Variants in ATRN observed in about 807,000 individuals in gnomAD.
The protein encoded by ATRN is attractin.
Under a neutral mutation model 178.7 loss-of-function variants are expected in ATRN, and 54 were observed. The observed-to-expected ratio is 0.30, with a 90% confidence interval of 0.24 to 0.38. ATRN has a LOEUF of 0.38. ATRN is among the 10% of genes least tolerant of loss of function. The probability of loss-of-function intolerance (pLI) is 1.00; values close to 1 mark genes in which losing one functional copy is unlikely to be tolerated. For missense variants in ATRN, 1,443 were observed against 1,815.1 expected (o/e 0.79, Z 3.73); for synonymous variants, 636 against 663.0 (o/e 0.96, Z 0.63).
chr20:3,625,906 T>A (rs1332243685), intron 25 of ATRN, among the ~76,000 whole-genome samples: 1 of 152,210 alleles, frequency 6.6e-6, no homozygotes, highest in Non-Finnish European at 1.5e-5. Context: ...CTCTCCTGAC[T>A]GAAAATATAT....
chr20:3,480,733 G>C (rs1394524188), intron 1 of ATRN, among the ~76,000 whole-genome samples: 1 of 152,126 alleles, frequency 6.6e-6, no homozygotes, highest in Admixed American at 6.5e-5. Flanking sequence ...GCAGTATAGA[G>C]GACAGGTATG....
chr20:3,499,584 A>G (rs1378217475), intron 1 of ATRN, among the ~76,000 whole-genome samples: 2 of 151,124 alleles, frequency 1.3e-5, no homozygotes, highest in African/African-American at 4.9e-5. Context: ...GCATTGGGGA[A>G]AGGATTCCCT....
At chr20:3,576,804 A>G in intron 13 of ATRN, 55 bp from the exon 14 acceptor site, 1 of 1,594,112 alleles carries the variant, frequency 6.3e-7, no homozygotes, top group African/African-American at 1.3e-5. Context: ...GTTGGTCCTC[A>G]CCATAAGTTC....
Position 3,638,765 on chromosome 20 carries a change from C to T in ATRN, c.3943-63C>T. ...AGGATGAGGTGTTTTTAACATGTAG[C>T]ATTAACTAATAAAACCCCTTCAGTA... On this transcript the variant is annotated intron_variant, in intron 26 of 28. Coordinates refer to ENST00000262919, the MANE Select transcript of ATRN (RefSeq NM_139321.3). The surrounding 1 kb of genome is among the most constrained non-coding windows in gnomAD (Gnocchi z 4.5). 1 of 1,392,728 alleles carries T rather than the reference C, an allele frequency of 7.2e-7. No individual in the cohort carries two copies. The highest frequency in any genetic ancestry group is 1.4e-5 in the African/African-American group (1 of 70,218). The allele number at this position is 1,392,728 out of a possible 1,614,324, so 86.3% of individuals were successfully genotyped here.
intron 2 of ATRN, among the ~76,000 whole-genome samples, chr20:3,537,945 C>CT (rs1009073154): frequency 1.4e-5 from 2 of 142,442 alleles, no homozygotes; most frequent in African/African-American, 5.2e-5. Flanking sequence ...TTTTTCATTT[C>CT]TTTTTTTTAT....
chr20:3,534,131 G>A (rs2146177332), intron 1 of ATRN, among the ~76,000 whole-genome samples: 1 of 152,342 alleles, frequency 6.6e-6, no homozygotes, highest in East Asian at 1.9e-4. Flanking sequence ...ACATCAGGGA[G>A]TTTGCAGGAT....
At chr20:3,611,471 G>C (rs185077336) in intron 24 of ATRN, among the ~76,000 whole-genome samples, 15 of 152,328 alleles carry the variant, frequency 9.8e-5, no homozygotes, top group Admixed American at 6.5e-4. Context: ...GCCAGGTGTG[G>C]TTCACACCTG....
chr20:3,530,479 C>T (rs1181219293), intron 1 of ATRN, among the ~76,000 whole-genome samples: 2 of 147,838 alleles, frequency 1.4e-5, no homozygotes, highest in East Asian at 3.9e-4. Context: ...TGGGTTTTTG[C>T]CACGTTGGCT....
intron 1 of ATRN, among the ~76,000 whole-genome samples, chr20:3,531,089 T>C (rs1442903171): frequency 6.6e-6 from 1 of 152,230 alleles, no homozygotes; most frequent in Non-Finnish European, 1.5e-5. Context: ...ACCTAGATTA[T>C]CAATGATACT....
chr20:3,595,373 G>C (rs2146278268), intron 20 of ATRN, among the ~76,000 whole-genome samples: 1 of 152,302 alleles, frequency 6.6e-6, no homozygotes. Flanking sequence ...ATTAATCATT[G>C]TAAACATCAT....
intron 18 of ATRN, among the ~76,000 whole-genome samples, chr20:3,586,116 C>T (rs1005197296): frequency 6.6e-6 from 1 of 152,172 alleles, no homozygotes; most frequent in African/African-American, 2.4e-5. Flanking sequence ...ATGCTTATAG[C>T]ATCATTCTTC....
At chr20:3,603,496 T>C (rs2086639514) in intron 23 of ATRN, among the ~76,000 whole-genome samples, 3 of 151,428 alleles carry the variant, frequency 2.0e-5, no homozygotes, top group African/African-American at 7.3e-5. Flanking sequence ...TTTCTTTCTT[T>C]TTTTTTTTTT....
chr20:3,483,834 C>T (rs187886367), intron 1 of ATRN, among the ~76,000 whole-genome samples: 2 of 152,168 alleles, frequency 1.3e-5, no homozygotes, highest in African/African-American at 2.4e-5. Flanking sequence ...TGAAGAGATA[C>T]AATTTCTGTA....
At chr20:3,629,132 C>T (rs2086969905) in intron 25 of ATRN, 1 of 985,248 alleles carries the variant, frequency 1.0e-6, no homozygotes, top group South Asian at 4.7e-5. Flanking sequence ...TCTCCACCTC[C>T]ACTCCCCACC....
intron 19 of ATRN, among the ~76,000 whole-genome samples, chr20:3,591,704 G>A (rs1177322062): frequency 6.6e-6 from 1 of 152,166 alleles, no homozygotes; most frequent in African/African-American, 2.4e-5. Context: ...GCAGTATATG[G>A]ACACTAAGGT....
chr20:3,576,037 A>G (rs903560095), intron 13 of ATRN, 89 bp downstream of exon 13: 2 of 1,369,918 alleles, frequency 1.5e-6, no homozygotes, highest in African/African-American at 1.5e-5. Flanking sequence ...ATAATGGCCC[A>G]GAGTTACTTT....
intron 20 of ATRN, among the ~76,000 whole-genome samples, chr20:3,594,910 A>G (rs1303484140): frequency 6.6e-6 from 1 of 152,184 alleles, no homozygotes; most frequent in Non-Finnish European, 1.5e-5. Context: ...TCTTTCCCAA[A>G]GAGTAGAGAT....
In ATRN at chr20:3,485,610, G is replaced by GTTTTTTTTTTTTTTTTTTT. The variant is rs3084238; in HGVS notation, c.410+14104_410+14122dup. ...TGGTTTGCCAATACATTTTTTTGAG[G>GTTTTTTTTTTTTTTTTTTT]TTTTTTTTTTTTTTTTTTTTTTTTT... On this transcript the variant is annotated intron_variant, in intron 1 of 28. Coordinates refer to ENST00000262919, the MANE Select transcript of ATRN (RefSeq NM_139321.3). Among the ~76,000 whole-genome samples the GTTTTTTTTTTTTTTTTTTT allele has an allele frequency of 2.5e-4, 17 of 67,918 alleles. 2 individuals carry two copies. The highest frequency in any genetic ancestry group is 6.1e-4 in the African/African-American group (11 of 18,134). 44.6% of individuals were successfully genotyped at this position (67,918 alleles called of 152,430 possible). A position where few individuals can be genotyped will look rare whatever the true frequency, so the allele number is the denominator to read the frequency against.
rs145721320 is a variant in ATRN, at chr20:3,533,404, C to T, written c.411-1849C>T. 9.1e-4 allele frequency among the ~76,000 whole-genome samples: 139 copies of T among 152,272 alleles called. 2 individuals carry two copies. The East Asian group carries it at 0.023, about 25-fold the overall frequency. ...ATGGGTACATGATCATCTGGGATAA[C>T]GGCTGCATTTTTCAGCCTTCCTCTA... On this transcript the variant is annotated intron_variant, in intron 1 of 28. Transcript: ENST00000262919.
Sources: allele counts gnomAD v4.1 joint callset (sites outside exome capture counted in the v4.1 genomes callset), GRCh38; gene constraint gnomAD v4.1.1; non-coding constraint Gnocchi (gnomAD v3.1); transcripts MANE v1.5; gene names NCBI Gene and HGNC (gene_info 2026-07-23, HGNC 2026-07-21).